The following HPSE2 variants were observed in gnomAD, a reference collection of about 807,000 sequenced individuals.
HPSE2 encodes inactive heparanase-2.
Under a neutral mutation model 60.5 loss-of-function variants are expected in HPSE2, and 38 were observed. The ratio of observed to expected loss-of-function variants is 0.63; its 90% CI spans 0.48 to 0.82. HPSE2 has a LOEUF of 0.82. Among genes scored for constraint, HPSE2 ranks in the 40% least tolerant of loss-of-function variants. HPSE2 has a pLI of 0.00. For synonymous variants in HPSE2, 295 were observed against 293.2 expected (o/e 1.01, Z -0.06); for missense variants, 713 against 740.4 (o/e 0.96, Z 0.43).
At chr10:98,688,477 C>CTTTTTTTTTTTTTTT (rs1388717965) in intron 6 of HPSE2, among the ~76,000 whole-genome samples, 1 of 83,034 alleles carries the variant, frequency 1.2e-5, no homozygotes, top group Non-Finnish European at 2.3e-5. Flanking sequence ...TTTTTTTTTT[C>CTTTTTTTTTTTTTTT]TTTTTTTTTT....
intron 9 of HPSE2, among the ~76,000 whole-genome samples, chr10:98,512,314 G>T (rs1298337567): frequency 2.0e-5 from 3 of 152,218 alleles, no homozygotes; most frequent in Non-Finnish European, 4.4e-5. Flanking sequence ...GGGTGCAGTG[G>T]CTCACGCCTG....
At chr10:99,050,904 A>G (rs73341468) in intron 3 of HPSE2, among the ~76,000 whole-genome samples, 2,175 of 152,296 alleles carry the variant, frequency 0.014, 47 homozygotes, top group African/African-American at 0.049. Flanking sequence ...CAGCAGAAAT[A>G]AATAACAAAT....
At chr10:98,898,311 C>G (rs1023271200) in intron 3 of HPSE2, among the ~76,000 whole-genome samples, 1 of 152,036 alleles carries the variant, frequency 6.6e-6, no homozygotes, top group Non-Finnish European at 1.5e-5. Flanking sequence ...ATAATTGCCC[C>G]AAATTGGAAG....
intron 9 of HPSE2, among the ~76,000 whole-genome samples, chr10:98,603,275 C>T (rs1371600316): frequency 4.6e-5 from 7 of 152,018 alleles, no homozygotes; most frequent in Non-Finnish European, 8.8e-5. Context: ...TTGCAACTCC[C>T]GGAGGACTCA....
intron 3 of HPSE2, among the ~76,000 whole-genome samples, chr10:98,766,635 A>T (rs1224587052): frequency 6.6e-6 from 1 of 152,182 alleles, no homozygotes; most frequent in Non-Finnish European, 1.5e-5. Context: ...TTCAAAATTA[A>T]ATCAATGGGC....
intron 3 of HPSE2, among the ~76,000 whole-genome samples, chr10:98,992,217 G>A (rs2135345412): frequency 6.6e-6 from 1 of 152,128 alleles, no homozygotes; most frequent in East Asian, 1.9e-4. Context: ...TTGTTCCCCT[G>A]GGCTTTAAGA....
At chr10:98,561,005 C>G (rs1159731735) in intron 9 of HPSE2, among the ~76,000 whole-genome samples, 4 of 152,084 alleles carry the variant, frequency 2.6e-5, no homozygotes, top group Admixed American at 2.6e-4. Flanking sequence ...AGAATTTACT[C>G]CTTTTACTTA....
At chr10:99,174,906 G>A (rs113140713) in intron 2 of HPSE2, among the ~76,000 whole-genome samples, 3,198 of 152,258 alleles carry the variant, frequency 0.021, 115 homozygotes, top group East Asian at 0.16. Context: ...ATTTCCAACC[G>A]AGGTATCCGG....
intron 3 of HPSE2, among the ~76,000 whole-genome samples, chr10:99,135,272 C>T (rs924544819): frequency 3.0e-4 from 46 of 152,098 alleles, no homozygotes; most frequent in Non-Finnish European, 6.3e-4. Context: ...GACTTTAACA[C>T]CCCACTGTCA....
intron 7 of HPSE2, among the ~76,000 whole-genome samples, chr10:98,634,666 A>G (rs1946450131): frequency 6.6e-6 from 1 of 152,204 alleles, no homozygotes; most frequent in Admixed American, 6.5e-5. Context: ...CCTTACTTCC[A>G]TGGTCCTGCA....
chr10:98,594,931 A>G (rs981772976), intron 9 of HPSE2, among the ~76,000 whole-genome samples: 1 of 152,168 alleles, frequency 6.6e-6, no homozygotes, highest in African/African-American at 2.4e-5. Context: ...ACAGTGTGCA[A>G]AGGATGTTCT....
chr10:98,602,722 C>T (rs1418354290), intron 9 of HPSE2, among the ~76,000 whole-genome samples: 1 of 152,070 alleles, frequency 6.6e-6, no homozygotes, highest in Non-Finnish European at 1.5e-5. Context: ...ATAGTCTTTT[C>T]AACAAATGGT....
intron 3 of HPSE2, among the ~76,000 whole-genome samples, chr10:98,922,950 T>C (rs1033673609): frequency 1.3e-5 from 2 of 152,226 alleles, no homozygotes; most frequent in African/African-American, 4.8e-5. Context: ...TACAAAGTTA[T>C]ACTATTCTGT....
In HPSE2 at chr10:98,805,170, G is replaced by C. The variant is rs573670659; in HGVS notation, c.611-61114C>G. Among the ~76,000 whole-genome samples the C allele has an allele frequency of 1.4e-4, 22 of 152,100 alleles. No homozygotes were observed. In the East Asian group the frequency reaches 4.1e-3, roughly 28 times the overall value. ...GTGGGAAGCTGGGTGCAGAGGAGGT[G>C]GTATGATTAACCCATTTATGCCCAG... On this transcript the variant is annotated intron_variant, in intron 3 of 11. Transcript: ENST00000370552.
intron 6 of HPSE2, among the ~76,000 whole-genome samples, chr10:98,686,687 A>G (rs1409635776): frequency 6.6e-6 from 1 of 152,174 alleles, no homozygotes; most frequent in East Asian, 1.9e-4. Flanking sequence ...TTACAGGCAC[A>G]TATATTATTT....
At chr10:99,155,771 A>G (rs1488125394) in intron 2 of HPSE2, among the ~76,000 whole-genome samples, 18 of 149,014 alleles carry the variant, frequency 1.2e-4, no homozygotes, top group African/African-American at 4.1e-4. Context: ...AACTGAAGGA[A>G]ATAGAGACAC....
At chr10:99,209,123 A>G (rs1044666517) in intron 2 of HPSE2, among the ~76,000 whole-genome samples, 11 of 152,220 alleles carry the variant, frequency 7.2e-5, no homozygotes, top group Non-Finnish European at 1.5e-4. Context: ...GACATGAACA[A>G]TACTACAAAC....
chr10:99,232,620 C>A, intron 1 of HPSE2, 115 bp from the exon 2 acceptor site: 1 of 1,206,304 alleles, frequency 8.3e-7, no homozygotes, highest in Non-Finnish European at 1.2e-6. Context: ...GGGCTAGAGG[C>A]TCTGTGCCTG....
the HPSE2 span, among the ~76,000 whole-genome samples, chr10:99,304,612 A>T: frequency 2.0e-5 from 3 of 152,258 alleles, no homozygotes; most frequent in African/African-American, 7.2e-5. Context: ...CTACAAAGGC[A>T]ATAAGGAGTA....
Sources: allele counts gnomAD v4.1 joint callset (sites outside exome capture counted in the v4.1 genomes callset), GRCh38; gene constraint gnomAD v4.1.1; transcripts MANE v1.5; gene names NCBI Gene and HGNC (gene_info 2026-07-23, HGNC 2026-07-21).